Variants in SOX6 observed in about 807,000 individuals in gnomAD.
SOX6 encodes SRY-box transcription factor 6, also known as transcription factor SOX-6.
A neutral mutation model predicts 97.8 loss-of-function variants in SOX6; 11 were observed. The ratio of observed to expected loss-of-function variants is 0.11; its 90% CI spans 0.07 to 0.19. The LOEUF (loss-of-function observed/expected upper bound fraction) is 0.19. Among genes scored for constraint, SOX6 ranks in the 10% least tolerant of loss-of-function variants. The probability of loss-of-function intolerance (pLI) is 1.00; values close to 1 mark genes in which losing one functional copy is unlikely to be tolerated. For synonymous variants in SOX6, 360 were observed against 371.4 expected (o/e 0.97, Z 0.35); for missense variants, 810 against 1,039.5 (o/e 0.78, Z 3.04).
chr11:16,362,038 G>A (rs1056279104), intron 1 of SOX6, among the ~76,000 whole-genome samples: 1 of 152,072 alleles, frequency 6.6e-6, no homozygotes, highest in African/African-American at 2.4e-5. Context: ...TACAAATGAA[G>A]CTTAAAGAAG....
At chr11:16,618,871 C>T (rs1477796764) in intron 3 of SOX6, among the ~76,000 whole-genome samples, 2 of 152,002 alleles carry the variant, frequency 1.3e-5, no homozygotes, top group Non-Finnish European at 2.9e-5. Context: ...AGAATTATTT[C>T]ACTTCTCTGA....
intron 2 of SOX6, among the ~76,000 whole-genome samples, chr11:16,319,613 A>G (rs1855854098): frequency 6.7e-6 from 1 of 148,624 alleles, no homozygotes; most frequent in Non-Finnish European, 1.5e-5. Context: ...TGTCCTTGCG[A>G]TAGTTTGCTG....
At chr11:16,001,004 G>A (rs575662942) in intron 13 of SOX6, among the ~76,000 whole-genome samples, 1 of 151,476 alleles carries the variant, frequency 6.6e-6, no homozygotes, top group Non-Finnish European at 1.5e-5. Context: ...TTACAGATGT[G>A]AGCCACTGTA....
chr11:16,425,105 T>C (rs1859099042), intron 1 of SOX6, among the ~76,000 whole-genome samples: 1 of 152,246 alleles, frequency 6.6e-6, no homozygotes, highest in South Asian at 2.1e-4. Context: ...AGCAAATTTA[T>C]ATTGAGCCAC....
intron 1 of SOX6, among the ~76,000 whole-genome samples, chr11:16,431,608 TA>T (rs1229187644): frequency 1.3e-5 from 2 of 151,770 alleles, no homozygotes; most frequent in Non-Finnish European, 2.9e-5. Flanking sequence ...TGAGGAAAAA[TA>T]AAAACATGAG....
At chr11:16,099,888 A>G (rs1848898888) in intron 7 of SOX6, among the ~76,000 whole-genome samples, 2 of 151,880 alleles carry the variant, frequency 1.3e-5, no homozygotes, top group East Asian at 1.9e-4. Flanking sequence ...CCTGAATATA[A>G]TCTTTAGAAA....
chr11:16,189,765 G>A (rs142773880), intron 4 of SOX6, among the ~76,000 whole-genome samples: 467 of 152,234 alleles, frequency 3.1e-3, no homozygotes, highest in South Asian at 5.2e-3. Flanking sequence ...TCTAACATAC[G>A]TGTAATTGTA....
intron 1 of SOX6, among the ~76,000 whole-genome samples, chr11:16,346,013 T>C (rs1856768482): frequency 6.6e-6 from 1 of 152,030 alleles, no homozygotes; most frequent in African/African-American, 2.4e-5. Flanking sequence ...TTTCCAGGTG[T>C]GTTACATTTA....
chr11:16,406,721 T>C (rs1056761042), intron 1 of SOX6, among the ~76,000 whole-genome samples: 1 of 152,086 alleles, frequency 6.6e-6, no homozygotes, highest in Non-Finnish European at 1.5e-5. Flanking sequence ...AGGTCATAAA[T>C]AGAAGGAAGG....
intron 1 of SOX6, among the ~76,000 whole-genome samples, chr11:16,427,918 A>G (rs1859183186): frequency 6.6e-6 from 1 of 152,130 alleles, no homozygotes; most frequent in Admixed American, 6.5e-5. Flanking sequence ...GACTTCCACA[A>G]TGGTTGAACT....
chr11:16,044,833 C>G (rs903924969), intron 12 of SOX6, among the ~76,000 whole-genome samples: 1 of 152,148 alleles, frequency 6.6e-6, no homozygotes, highest in Non-Finnish European at 1.5e-5. Context: ...AAACAGCTCC[C>G]TTCAACTTGG....
At chr11:16,161,005 A>C (rs1259362042) in intron 6 of SOX6, among the ~76,000 whole-genome samples, 1 of 152,174 alleles carries the variant, frequency 6.6e-6, no homozygotes, top group Non-Finnish European at 1.5e-5. Context: ...TTAGCTTTTT[A>C]ATGTTTCTGT....
chr11:16,011,844 G>A (rs568786337), intron 13 of SOX6, among the ~76,000 whole-genome samples: 4 of 152,164 alleles, frequency 2.6e-5, no homozygotes, highest in Admixed American at 6.5e-5. Flanking sequence ...CAGAGGCACA[G>A]AACTTACTTA....
intron 13 of SOX6, among the ~76,000 whole-genome samples, chr11:16,003,429 T>C (rs777520568): frequency 6.6e-6 from 1 of 152,100 alleles, no homozygotes; most frequent in Non-Finnish European, 1.5e-5. Flanking sequence ...CTCTGACAGG[T>C]GGCACCCTAT....
intron 4 of SOX6, among the ~76,000 whole-genome samples, chr11:16,573,865 A>G (rs1847959607): frequency 6.6e-6 from 1 of 152,134 alleles, no homozygotes; most frequent in Non-Finnish European, 1.5e-5. Context: ...TATTGTTTGT[A>G]TTGTTCACTT....
chr11:16,125,877 A>AGGAAGGAAGGAAGGAAGGAAGGAAGG (rs1590212070), intron 6 of SOX6, among the ~76,000 whole-genome samples: 1 of 149,330 alleles, frequency 6.7e-6, no homozygotes, highest in Non-Finnish European at 1.5e-5. Context: ...GAAGGAAGGA[A>AGGAAGGAAGGAAGGAAGGAAGGAAGG]AGTTTATTTG....
At chr11:16,669,563 G>A (rs887063638) in intron 3 of SOX6, among the ~76,000 whole-genome samples, 2 of 152,234 alleles carry the variant, frequency 1.3e-5, no homozygotes, top group Admixed American at 1.3e-4. Context: ...TACCCGGCTG[G>A]GGCTATTGAG....
chr11:16,063,308 G>A (rs966019156), intron 9 of SOX6, among the ~76,000 whole-genome samples: 2 of 150,748 alleles, frequency 1.3e-5, no homozygotes, highest in African/African-American at 4.9e-5. Flanking sequence ...CAGCCTCATG[G>A]TGAAACCCTT....
At chr11:16,642,032 C>A (rs1396891099) in intron 3 of SOX6, among the ~76,000 whole-genome samples, 1 of 152,212 alleles carries the variant, frequency 6.6e-6, no homozygotes, top group African/African-American at 2.4e-5. Context: ...CATGTTTTTG[C>A]AGTGGCTGGT....
Sources: allele counts gnomAD v4.1 joint callset (sites outside exome capture counted in the v4.1 genomes callset), GRCh38; gene constraint gnomAD v4.1.1; transcripts MANE v1.5; gene names NCBI Gene and HGNC (gene_info 2026-07-23, HGNC 2026-07-21).